GIGYF2: variants seen among roughly 807,000 people sequenced by gnomAD.
GIGYF2 encodes the protein GRB10 interacting GYF protein 2.
In GIGYF2, 25 loss-of-function variants were observed where a neutral mutation model predicts 208.1. The ratio of observed to expected loss-of-function variants is 0.12; its 90% CI spans 0.09 to 0.17. The LOEUF (loss-of-function observed/expected upper bound fraction) is 0.17. GIGYF2 is among the 10% of genes least tolerant of loss of function. GIGYF2 has a pLI of 1.00. For missense variants in GIGYF2, 1,302 were observed against 1,579.4 expected, an observed-to-expected ratio of 0.82 and a Z score of 2.98; for synonymous variants, 534 against 543.8, an observed-to-expected ratio of 0.98 and a Z score of 0.25.
At chr2:232,823,349 T>G (rs1014729969) in intron 21 of GIGYF2, among the ~76,000 whole-genome samples, 4 of 146,648 alleles carry the variant, frequency 2.7e-5, no homozygotes, top group African/African-American at 1.0e-4. Context: ...TTTCTTTCTC[T>G]TTTTCCTTTC....
rs533355577 is a variant in GIGYF2 at position 232,860,414 on chromosome 2, A to G, written c.*3554A>G. 2.0e-4 allele frequency: 30 copies of G among 149,560 alleles called. 1 individual carries two copies. Among genetic ancestry groups the G allele is most frequent in the Admixed American group, 1.9e-3 (29 of 14,940 alleles). The allele number at this position is 149,560 out of a possible 1,614,324, so 9.3% of individuals were successfully genotyped here. On this transcript the variant is annotated 3_prime_UTR_variant, in exon 29 of 29. Coordinates refer to ENST00000373563, the MANE Select transcript of GIGYF2 (RefSeq NM_001103146.3). ...TTTTTATATATACAAATATGTATAT[A>G]AAAGTATATGTTTTACATTTTCAAT...
rs181974157 is a variant in GIGYF2 at position 232,733,360 on chromosome 2, A to G, written c.-43-1795A>G. 1.4e-3 allele frequency among the ~76,000 whole-genome samples: 213 copies of G among 152,180 alleles called. 2 individuals are homozygous for G. The highest frequency in any genetic ancestry group is 4.8e-3 in the African/African-American group (201 of 41,504). ...GTGGGGGAGCAGGGAGTCAGGGTCA[A>G]GTAAGAACAGGATAATCTCCCTTGG... is the stretch of plus-strand genomic sequence containing the variant. On this transcript the variant is annotated intron_variant, in intron 2 of 28. Coordinates refer to ENST00000373563, the MANE Select transcript of GIGYF2 (RefSeq NM_001103146.3).
chr2:232,737,619 G>T (rs994195592), intron 3 of GIGYF2, among the ~76,000 whole-genome samples: 8 of 152,102 alleles, frequency 5.3e-5, no homozygotes, highest in African/African-American at 1.9e-4. Flanking sequence ...TTTTCTTCAC[G>T]TATGACGTTC....
chr2:232,741,123 G>A lies in GIGYF2; in HGVS notation c.41+5885G>A, dbSNP rs577053973. Among the ~76,000 whole-genome samples, 186 of 152,296 alleles carry A rather than the reference G, an allele frequency of 1.2e-3. 1 individual carries two copies. The highest frequency in any genetic ancestry group is 2.2e-3 in the Non-Finnish European group (150 of 68,042). On this transcript the variant is annotated intron_variant, in intron 3 of 28. Coordinates refer to ENST00000373563, the MANE Select transcript of GIGYF2 (RefSeq NM_001103146.3). ...GCTGCCTATCTGATTTTTCCACTTA[G>A]ATGTCTTATAAGCATCTCATACTCT...
chr2:232,708,165 G>T (rs1414435492), intron 2 of GIGYF2, among the ~76,000 whole-genome samples: 1 of 151,962 alleles, frequency 6.6e-6, no homozygotes, highest in Non-Finnish European at 1.5e-5. Flanking sequence ...TTGCCATGTT[G>T]CCCAGGCTGG....
At chr2:232,850,220 T>C (rs761113866) in intron 27 of GIGYF2, 42 bp from the exon 28 acceptor site, 1 of 1,583,586 alleles carries the variant, frequency 6.3e-7, no homozygotes, top group South Asian at 1.1e-5. Context: ...GAGCCAAGTC[T>C]GAATCTGCTG....
At chr2:232,775,063 C>A (rs796891539) in intron 8 of GIGYF2, among the ~76,000 whole-genome samples, 35 of 151,478 alleles carry the variant, frequency 2.3e-4, no homozygotes, top group African/African-American at 7.7e-4. Context: ...AGTTAAGCAG[C>A]ATTTTTTTTT....
intron 14 of GIGYF2, among the ~76,000 whole-genome samples, chr2:232,798,178 G>A (rs1700284647): frequency 6.6e-6 from 1 of 152,054 alleles, no homozygotes; most frequent in Non-Finnish European, 1.5e-5. Context: ...TTTGGAGATT[G>A]GTTCTATTCA....
intron 14 of GIGYF2, among the ~76,000 whole-genome samples, chr2:232,797,717 C>T (rs13425525): frequency 0.19 from 28,548 of 151,952 alleles, 2,935 homozygotes; most frequent in Non-Finnish European, 0.22. Context: ...TGTGGTGGCT[C>T]ATGCCTGTAA....
intron 15 of GIGYF2, among the ~76,000 whole-genome samples, chr2:232,807,483 G>A (rs982026913): frequency 2.0e-5 from 3 of 152,150 alleles, no homozygotes; most frequent in African/African-American, 4.8e-5. Context: ...TGATTGCACC[G>A]CTGCACTGCA....
rs547805787 is a variant in GIGYF2 at position 232,816,887 on chromosome 2, G to A, written c.2225G>A (p.Arg742Lys). 7 of 1,613,212 alleles carry A rather than the reference G, an allele frequency of 4.3e-6. No individual in the cohort carries two copies. Among genetic ancestry groups the A allele is most frequent in the East Asian group, 2.2e-5 (1 of 44,880 alleles). ...TAATCACAGCTAGAGCAAGAGAGAA[G>A]AGAGGCAGAAATGAGGGCAAAACGG... ...AKAAKLEQER[R>K]EAEMRAKREE... Residue 742 changes from arginine (R) to lysine (K), a missense_variant, in exon 20 of 29, where the codon AGA becomes AAA. Physicochemically the swap from Arg to Lys is conservative, Grantham distance 26. This residue lies in a region of GIGYF2 where 701 missense variants were observed against 793.0 expected (regional missense o/e 0.88). Coordinates refer to ENST00000373563, the MANE Select transcript of GIGYF2 (RefSeq NM_001103146.3).
At chr2:232,840,247 T>C (rs1701775863) in intron 23 of GIGYF2, among the ~76,000 whole-genome samples, 1 of 152,244 alleles carries the variant, frequency 6.6e-6, no homozygotes, top group Non-Finnish European at 1.5e-5. Context: ...CTACACGGGT[T>C]GTTCAAAATT....
At position 232,815,743 on chromosome 2, in the gene GIGYF2, A is replaced by G. The variant is rs768524964; in HGVS notation, c.2208+6A>G. 2.1e-6 allele frequency: 3 copies of G among 1,445,862 alleles called. No individual in the cohort carries two copies. Among genetic ancestry groups the G allele is most frequent in the Non-Finnish European group, 1.9e-6 (2 of 1,026,516 alleles). 89.6% of individuals were successfully genotyped at this position (1,445,862 alleles called of 1,614,324 possible). On this transcript the variant is annotated splice_donor_region_variant and intron_variant, in intron 19 of 28. Transcript: ENST00000373563. ...AGAAGGCCAAAGCTGCAAAGGTCTG[A>G]AACTCATTCTTCTGCAACAGTGCAT...
At chr2:232,744,756 T>C (rs1375036810) in intron 3 of GIGYF2, among the ~76,000 whole-genome samples, 3 of 152,060 alleles carry the variant, frequency 2.0e-5, no homozygotes, top group African/African-American at 7.2e-5. Flanking sequence ...GGTCTTGAAC[T>C]CTTGTACTGA....
chr2:232,754,636 G>A (rs1242171875), intron 5 of GIGYF2, among the ~76,000 whole-genome samples: 4 of 151,852 alleles, frequency 2.6e-5, no homozygotes, highest in African/African-American at 9.7e-5. Context: ...CTGTATTTTG[G>A]GACCTCATAC....
intron 8 of GIGYF2, among the ~76,000 whole-genome samples, chr2:232,784,757 A>G (rs1699858157): frequency 6.6e-6 from 1 of 152,166 alleles, no homozygotes; most frequent in Admixed American, 6.5e-5. Context: ...TTAGATTATG[A>G]CTTCTCTGGT....
chr2:232,854,434 A>T (rs913836828), intron 28 of GIGYF2, among the ~76,000 whole-genome samples: 2 of 152,164 alleles, frequency 1.3e-5, no homozygotes, highest in Non-Finnish European at 2.9e-5. Flanking sequence ...TGGAAGTTGC[A>T]GTGAGCCAAG....
intron 23 of GIGYF2, among the ~76,000 whole-genome samples, chr2:232,840,914 T>C (rs1701794544): frequency 6.6e-6 from 1 of 152,198 alleles, no homozygotes; most frequent in South Asian, 2.1e-4. Context: ...TTTTTGGATC[T>C]GGGTCATGTG....
chr2:232,703,992 A>ACT (rs1695971622), intron 2 of GIGYF2, among the ~76,000 whole-genome samples: 1 of 152,248 alleles, frequency 6.6e-6, no homozygotes, highest in Admixed American at 6.5e-5. Flanking sequence ...ATATGAACTT[A>ACT]GGCTCTAGTG....
Sources: gnomAD v4.1 joint callset for allele counts (sites outside exome capture counted in the v4.1 genomes callset) on GRCh38, gnomAD v4.1.1 for gene constraint, gnomAD v4.1.1 regional missense constraint, MANE v1.5 for transcripts, NCBI Gene and HGNC (gene_info 2026-07-23, HGNC 2026-07-21) for gene names.